DBT: variants seen among roughly 807,000 people sequenced by gnomAD.
DBT encodes lipoamide acyltransferase component of branched-chain alpha-keto acid dehydrogenase complex, mitochondrial.
In DBT, 40 loss-of-function variants were observed where a neutral mutation model predicts 51.3. The observed-to-expected ratio is 0.78, with a 90% CI of 0.61 to 1.02. The LOEUF (loss-of-function observed/expected upper bound fraction) is 1.02, where lower values mean the gene tolerates loss of function less well. Among genes scored for constraint, DBT ranks in the 50% least tolerant of loss-of-function variants. The pLI, the probability that DBT is intolerant of heterozygous loss-of-function variation, is 0.00. For missense variants in DBT, 510 were observed against 580.2 expected (o/e 0.88, Z 1.24); for synonymous variants, 181 against 190.4 (o/e 0.95, Z 0.41).
intron 7 of DBT, chr1:100,211,113 T>C (rs1490815130): frequency 1.3e-6 from 1 of 779,030 alleles, no homozygotes; most frequent in African/African-American, 1.7e-5. Flanking sequence ...AAGATTTCCA[T>C]GAGAAGTAAT....
intron 7 of DBT, chr1:100,213,746 T>G: frequency 6.5e-7 from 1 of 1,539,236 alleles, no homozygotes; most frequent in East Asian, 2.3e-5. Context: ...ATAGTTTTAT[T>G]TGATTAAGCT....
chr1:100,196,776 A>G, intron 10 of DBT: 1 of 226,054 alleles, frequency 4.4e-6, no homozygotes, highest in Non-Finnish European at 8.7e-6. Flanking sequence ...GAGACAGACA[A>G]TTAAATAAGG....
In DBT at chr1:100,235,497, C is replaced by A; in HGVS notation, c.190G>T (p.Val64Phe). 6.3e-7 allele frequency: 1 copy of A among 1,586,250 alleles called. No individual in the cohort carries two copies. Among genetic ancestry groups the A allele is most frequent in the South Asian group, 1.1e-5 (1 of 89,856 alleles). Residue 64 changes from valine to phenylalanine, a missense_variant, in exon 3 of 11, where the codon GTT (valine) becomes TTT (phenylalanine). Val to Phe is a conservative substitution (Grantham distance 50, BLOSUM62 -1). Coordinates refer to ENST00000370132, the MANE Select transcript of DBT (RefSeq NM_001918.5). ...LKTTAALRGQ[V>F]VQFKLSDIGE... ...ATGTCTGAGAGCTTGAACTGAACAA[C>A]CTGTCCACGGAGAGCTTCAAAGACA... is the stretch of plus-strand genomic sequence containing the variant.
In DBT at chr1:100,249,744, C is replaced by T. The variant is rs767066228; in HGVS notation, c.51+26G>A. On this transcript the variant is annotated intron_variant, in intron 1 of 10. Coordinates refer to ENST00000370132, the MANE Select transcript of DBT (RefSeq NM_001918.5). Reference sequence around the variant, plus strand: ...CTCCGGACAAATCACTCCTTCCCGGCCTCAGATCTGCCCAAACGTGCTTAC... The same window carrying T: ...CTCCGGACAAATCACTCCTTCCCGGTCTCAGATCTGCCCAAACGTGCTTAC... 5 of 1,611,862 alleles carry T rather than the reference C, an allele frequency of 3.1e-6. No individual in the cohort carries two copies. The African/African-American group carries it at 6.7e-5, about 22-fold the overall frequency.
At chr1:100,210,900 T>C in intron 7 of DBT, 129 bp from the exon 8 acceptor site, 2 of 1,541,136 alleles carry the variant, frequency 1.3e-6, no homozygotes, top group Non-Finnish European at 1.8e-6. Context: ...ATTTCAAGTC[T>C]ACATGTACCT....
Position 100,209,227 on chromosome 1 carries a change from C to T in DBT, c.1017+1467G>A, listed in dbSNP as rs568321192. The stretch of plus-strand genomic sequence containing the variant: ...GATTCTCCTGCCTCAGCCTCCCAAG[C>T]AGCTAAAACTATAGGCATGCACCAC... On this transcript the variant is annotated intron_variant, in intron 8 of 10. Transcript: ENST00000370132. Among the ~76,000 whole-genome samples, 5 of 151,104 alleles carry T rather than the reference C, an allele frequency of 3.3e-5. No homozygotes were observed. In the South Asian group the frequency reaches 1.0e-3, roughly 32 times the overall value.
chr1:100,210,822 T>C (rs1029816251), intron 7 of DBT, 51 bp from the exon 8 acceptor site: 1 of 1,604,226 alleles, frequency 6.2e-7, no homozygotes, highest in Admixed American at 1.7e-5. Context: ...TTAGAAAGGA[T>C]AGAGAATTTG....
Position 100,213,428 on chromosome 1 carries a change from G to A in DBT, c.939+1389C>T, listed in dbSNP as rs1248400318. The A allele has an allele frequency of 5.1e-6, 8 of 1,582,538 alleles. No individual in the cohort carries two copies. The East Asian group carries it at 6.8e-5, about 13-fold the overall frequency. On this transcript the variant is annotated intron_variant, in intron 7 of 10. Coordinates refer to ENST00000370132, the MANE Select transcript of DBT (RefSeq NM_001918.5). ...CCCGCAGCCGCCCTACTCCTACCTC[G>A]TCACACGGACACCCACCCACCATCC...
Position 100,216,106 on chromosome 1 carries a change from A to G in DBT, c.649T>C (p.Leu217=), listed in dbSNP as rs1662469061. The G allele has an allele frequency of 6.2e-7, 1 of 1,613,582 alleles. No homozygotes were observed. The highest frequency in any genetic ancestry group is 8.5e-7 in the Non-Finnish European group (1 of 1,179,510). ...NYLEKQTGAI[L]PPSPKVEIMP... is the part of the protein sequence containing the mutation. ...ATTTCAACTTTGGGTGAAGGAGGCA[A>G]TATAGCTCCTGTCTGCTTTTCCAAA... Residue 217 remains leucine (L), a synonymous_variant, in exon 6 of 11, where the codon TTG becomes CTG. Coordinates refer to ENST00000370132, the MANE Select transcript of DBT (RefSeq NM_001918.5).
chr1:100,221,326 A>T (rs879345468), intron 4 of DBT, among the ~76,000 whole-genome samples: 6 of 152,216 alleles, frequency 3.9e-5, no homozygotes, highest in Admixed American at 3.9e-4. Flanking sequence ...AAGATTTTAA[A>T]TAATCTTCAA....
intron 1 of DBT, among the ~76,000 whole-genome samples, chr1:100,248,318 A>C (rs1296466475): frequency 6.6e-6 from 1 of 152,220 alleles, no homozygotes; most frequent in East Asian, 1.9e-4. Flanking sequence ...AAGCCACTTA[A>C]TGTGAGCTGA....
chr1:100,213,404 C>T, intron 7 of DBT: 1 of 1,572,890 alleles, frequency 6.4e-7, no homozygotes, highest in Non-Finnish European at 8.6e-7. Context: ...CGCCGCGCCC[C>T]CGCAGCCGCC....
chr1:100,216,121 G>T lies in DBT; in HGVS notation c.634C>A (p.Gln212Lys). Residue 212 changes from glutamine (Q) to lysine (K), a missense_variant, in exon 6 of 11, where the codon CAG becomes AAG. By Grantham distance (53) the Gln-to-Lys change is moderately conservative. Transcript: ENST00000370132. ...GAAGGAGGCAATATAGCTCCTGTCT[G>T]CTTTTCCAAATAGTTGAGGATATCT... ...KEDILNYLEK[Q>K]TGAILPPSPK... The T allele has an allele frequency of 6.2e-7, 1 of 1,613,772 alleles. No individual in the cohort carries two copies. The highest frequency in any genetic ancestry group is 8.5e-7 in the Non-Finnish European group (1 of 1,179,738).
chr1:100,213,545 G>A lies in DBT; in HGVS notation c.939+1272C>T, dbSNP rs187118830. On this transcript the variant is annotated intron_variant, in intron 7 of 10. Transcript: ENST00000370132. The stretch of plus-strand genomic sequence containing the variant: ...AGGCTGTCCCGTCTGCAGGGTCGGG[G>A]GGCTGCAGGACTGCTTCACCTTCCT... The A allele has an allele frequency of 1.3e-4, 206 of 1,563,466 alleles. 4 individuals carry two copies. In the East Asian group the frequency reaches 4.6e-3, roughly 35 times the overall value.
chr1:100,203,346 C>G (rs897705936), intron 10 of DBT, among the ~76,000 whole-genome samples: 1 of 152,194 alleles, frequency 6.6e-6, no homozygotes, highest in African/African-American at 2.4e-5. Flanking sequence ...ACTAGAAAAT[C>G]TAGAAGAAAT....
chr1:100,216,445 T>A (rs781639026), intron 5 of DBT, among the ~76,000 whole-genome samples: 4 of 152,194 alleles, frequency 2.6e-5, no homozygotes, highest in African/African-American at 4.8e-5. Context: ...ACTTACTTTT[T>A]AAAAAAATTT....
chr1:100,201,393 T>C (rs1305746855), intron 10 of DBT, among the ~76,000 whole-genome samples: 2 of 151,960 alleles, frequency 1.3e-5, no homozygotes, highest in African/African-American at 4.8e-5. Flanking sequence ...TCAAGAAATA[T>C]GAGACTATGT....
At chr1:100,213,727 T>C (rs1662304124) in intron 7 of DBT, 2 of 1,569,798 alleles carry the variant, frequency 1.3e-6, no homozygotes, top group Admixed American at 3.7e-5. Flanking sequence ...AATGTAAATG[T>C]TGTGTTCAAT....
intron 7 of DBT, among the ~76,000 whole-genome samples, chr1:100,211,843 C>T (rs1168474349): frequency 6.6e-6 from 1 of 152,178 alleles, no homozygotes; most frequent in East Asian, 1.9e-4. Context: ...ATGATCTCAG[C>T]TCACTGTAGC....
Sources: allele counts gnomAD v4.1 joint callset (sites outside exome capture counted in the v4.1 genomes callset), GRCh38; gene constraint gnomAD v4.1.1; transcripts MANE v1.5; gene names NCBI Gene and HGNC (gene_info 2026-07-23, HGNC 2026-07-21).